KCNT1: variants seen among roughly 807,000 people sequenced by gnomAD.
KCNT1 encodes the protein potassium sodium-activated channel subfamily T member 1, also known as potassium channel subfamily T member 1.
In KCNT1, 78 loss-of-function variants were observed where a neutral mutation model predicts 147.8. The ratio of observed to expected loss-of-function variants is 0.53; its 90% CI spans 0.44 to 0.64. The LOEUF is 0.64. Ranked by LOEUF, KCNT1 falls within the 30% of genes least tolerant of loss-of-function variation. The pLI is 0.00. For missense variants in KCNT1, 1,419 were observed against 1,750.3 expected (o/e 0.81, Z 3.38); for synonymous variants, 867 against 748.8 (o/e 1.16, Z -2.58).
At chr9:135,755,445 T>C (rs1269565854) in intron 6 of KCNT1, among the ~76,000 whole-genome samples, 2 of 143,076 alleles carry the variant, frequency 1.4e-5, no homozygotes, top group African/African-American at 5.3e-5. Context: ...AAACCCAGCA[T>C]TTACTGACCC....
intron 2 of KCNT1, chr9:135,736,479 T>TCCTCCCCGC (rs1028633197): frequency 6.6e-6 from 1 of 151,932 alleles, no homozygotes; most frequent in Non-Finnish European, 1.5e-5. Flanking sequence ...AGCCGGGCAG[T>TCCTCCCCGC]CCTCCCCGCC....
At chr9:135,762,454 AAAAG>A (rs1479623638) in intron 11 of KCNT1, among the ~76,000 whole-genome samples, 5 of 152,068 alleles carry the variant, frequency 3.3e-5, no homozygotes, top group African/African-American at 1.2e-4. Context: ...TTCAAAAAGA[AAAAG>A]AAAAAAGGGC....
chr9:135,786,125 C>T, intron 28 of KCNT1, 72 bp from the exon 29 acceptor site: 1 of 1,399,978 alleles, frequency 7.1e-7, no homozygotes, highest in East Asian at 2.4e-5. Context: ...CTTCCTAAGC[C>T]CCTGCCCCAA....
chr9:135,702,196 A>AG lies in KCNT1; in HGVS notation c.-60dup. ...AAAAAATGTTTTTCAGGGCAACGCG[A>AG]GGGAAGAAGGTGGCGGCTCCCACTC... On this transcript the variant is annotated 5_prime_UTR_variant, in exon 1 of 31. Transcript: ENST00000371757. 3.3e-6 allele frequency: 4 copies of AG among 1,198,792 alleles called. No homozygotes were observed. The highest frequency in any genetic ancestry group is 4.9e-6 in the Non-Finnish European group (4 of 823,704). 74.3% of individuals were successfully genotyped at this position (1,198,792 alleles called of 1,614,324 possible).
chr9:135,750,429 C>T, intron 3 of KCNT1: 1 of 555,532 alleles, frequency 1.8e-6, no homozygotes, highest in Non-Finnish European at 3.3e-6. Context: ...CGTGGGGACA[C>T]CGTCCTGCCT....
At chr9:135,716,096 C>T (rs899916834) in intron 2 of KCNT1, among the ~76,000 whole-genome samples, 1 of 152,150 alleles carries the variant, frequency 6.6e-6, no homozygotes, top group African/African-American at 2.4e-5. Flanking sequence ...CTCCTGGGAG[C>T]CACACAAAGC....
rs149028586 is a variant in KCNT1 at position 135,777,364 on chromosome 9, C to T, written c.2376C>T (p.Asp792=). Residue 792 remains aspartate (D), a synonymous_variant, in exon 21 of 31, where the codon GAC becomes GAT. Transcript: ENST00000371757. ...GCTGCAAGCACAACAGCTATGAAGA[C>T]GCCAAGGCCTACGGGTTCAAGAACA... is the stretch of plus-strand genomic sequence containing the variant. ...DKGCKHNSYE[D]AKAYGFKNKL... 4.6e-3 allele frequency: 7,452 copies of T among 1,613,998 alleles called. 29 individuals carry two copies. The highest frequency in any genetic ancestry group is 5.6e-3 in the Admixed American group (336 of 60,012).
intron 2 of KCNT1, among the ~76,000 whole-genome samples, chr9:135,729,166 G>A (rs560206442): frequency 6.6e-6 from 1 of 152,336 alleles, no homozygotes; most frequent in African/African-American, 2.4e-5. Flanking sequence ...TAATCAAAGG[G>A]CGATTATCCG....
chr9:135,737,130 T>G (rs1052982777), intron 2 of KCNT1: 1 of 163,690 alleles, frequency 6.1e-6, no homozygotes, highest in Non-Finnish European at 1.3e-5. Context: ...CAGCGCCACT[T>G]TGGGGGAGAC....
At chr9:135,778,140 T>C (rs1833316521) in intron 21 of KCNT1, among the ~76,000 whole-genome samples, 1 of 152,200 alleles carries the variant, frequency 6.6e-6, no homozygotes, top group Non-Finnish European at 1.5e-5. Context: ...CTCTTCCTCC[T>C]GGGCACCTTT....
intron 1 of KCNT1, among the ~76,000 whole-genome samples, chr9:135,712,668 C>T (rs1835550505): frequency 6.6e-6 from 1 of 152,214 alleles, no homozygotes; most frequent in Admixed American, 6.5e-5. Context: ...CTGCGATGGG[C>T]CCCTTTCCCA....
chr9:135,792,175 G>T lies in KCNT1; in HGVS notation c.*14G>T, dbSNP rs772536821. 3.1e-6 allele frequency: 5 copies of T among 1,600,784 alleles called. No individual in the cohort carries two copies. The East Asian group carries it at 1.1e-4, about 36-fold the overall frequency. The stretch of plus-strand genomic sequence containing the variant: ...ACACAGCTCTGAGCCAGCCCTGCAC[G>T]GAGCTCAGGCCACCAAGCCCGGGGT... On this transcript the variant is annotated 3_prime_UTR_variant, in exon 31 of 31. Transcript: ENST00000371757.
chr9:135,744,441 G>A (rs1830711715), intron 2 of KCNT1, among the ~76,000 whole-genome samples: 2 of 152,226 alleles, frequency 1.3e-5, no homozygotes, highest in African/African-American at 2.4e-5. Flanking sequence ...TACACGCGGG[G>A]CCCAGGCCTG....
chr9:135,714,545 G>A lies in KCNT1; in HGVS notation c.111-32G>A. The A allele has an allele frequency of 3.7e-6, 4 of 1,068,124 alleles. No individual in the cohort carries two copies. The highest frequency in any genetic ancestry group is 6.2e-5 in the East Asian group (1 of 16,022). 66.2% of individuals were successfully genotyped at this position (1,068,124 alleles called of 1,614,324 possible). Reference sequence around the variant, plus strand: ...GCGCGCGTCCGCGAGGGCGCCCGACGCGGGCTGAGGGGCGCTGGCGTGTGC... The same window carrying A: ...GCGCGCGTCCGCGAGGGCGCCCGACACGGGCTGAGGGGCGCTGGCGTGTGC... On this transcript the variant is annotated intron_variant, in intron 1 of 30. Coordinates refer to ENST00000371757, the MANE Select transcript of KCNT1 (RefSeq NM_020822.3). This position sits in a 1 kb window ranked among gnomAD's most constrained non-coding sequence, Gnocchi z 6.2.
chr9:135,709,565 T>C (rs1243192068), intron 1 of KCNT1, among the ~76,000 whole-genome samples: 2 of 152,186 alleles, frequency 1.3e-5, no homozygotes, highest in Non-Finnish European at 2.9e-5. Flanking sequence ...CCACAGCCGA[T>C]CACTGGCGCA....
At chr9:135,727,593 G>A (rs1836272435) in intron 2 of KCNT1, among the ~76,000 whole-genome samples, 1 of 152,114 alleles carries the variant, frequency 6.6e-6, no homozygotes. Flanking sequence ...GGGAGAGGAG[G>A]ACCTCTTCCA....
intron 28 of KCNT1, chr9:135,785,547 C>G: frequency 3.0e-6 from 2 of 670,866 alleles, no homozygotes; most frequent in Non-Finnish European, 5.3e-6. Flanking sequence ...GAAGCTGAGG[C>G]CTGGGGGGAG....
intron 5 of KCNT1, among the ~76,000 whole-genome samples, chr9:135,754,809 G>A (rs752393867): frequency 3.3e-5 from 5 of 152,170 alleles, no homozygotes; most frequent in Non-Finnish European, 5.9e-5. Flanking sequence ...GAGAAGCTTT[G>A]CCACCCTTGG....
rs1834639238 is a variant in KCNT1 at position 135,792,821 on chromosome 9, G to C, written c.*660G>C. ...GAGGACCTTTCTGAAGGAAGCAGAA[G>C]ACGCCATTTCCTCTACTTCACACTG... On this transcript the variant is annotated 3_prime_UTR_variant, in exon 31 of 31. Coordinates refer to ENST00000371757, the MANE Select transcript of KCNT1 (RefSeq NM_020822.3). 6.6e-6 allele frequency: 1 copy of C among 152,274 alleles called. No homozygotes were observed. The highest frequency in any genetic ancestry group is 2.4e-5 in the African/African-American group (1 of 41,420). The allele number at this position is 152,274 out of a possible 1,614,324, so 9.4% of individuals were successfully genotyped here.
Sources: gnomAD v4.1 joint callset for allele counts (sites outside exome capture counted in the v4.1 genomes callset) on GRCh38, gnomAD v4.1.1 for gene constraint, Gnocchi (gnomAD v3.1) non-coding constraint, MANE v1.5 for transcripts, NCBI Gene and HGNC (gene_info 2026-07-23, HGNC 2026-07-21) for gene names.